The following PEMT variants were observed in gnomAD, a reference collection of about 807,000 sequenced individuals.
PEMT encodes phospholipid methyltransferase.
PEMT carries 23 observed loss-of-function variants against 27.4 expected under a neutral mutation model. That is an observed-to-expected ratio of 0.84 (90% CI 0.60 to 1.19). PEMT has a LOEUF of 1.19. PEMT is among the 50% of genes most tolerant of loss of function. The pLI, the probability that PEMT is intolerant of heterozygous loss-of-function variation, is 0.00. For synonymous variants in PEMT, 137 were observed against 139.1 expected, an observed-to-expected ratio of 0.98 and a Z score of 0.11; for missense variants, 307 against 310.1, an observed-to-expected ratio of 0.99 and a Z score of 0.07.
At chr17:17,554,262 G>A (rs1227240382) in intron 2 of PEMT, among the ~76,000 whole-genome samples, 1 of 152,250 alleles carries the variant, frequency 6.6e-6, no homozygotes, top group African/African-American at 2.4e-5. Context: ...GGCAGTGGGA[G>A]GCTGGCCTCT....
chr17:17,590,937 C>G (rs1912553159), intron 1 of PEMT, among the ~76,000 whole-genome samples: 2 of 152,272 alleles, frequency 1.3e-5, no homozygotes, highest in South Asian at 4.1e-4. Flanking sequence ...CGGTCGCACC[C>G]ATTATGGCCC....
rs554822301 is a variant in PEMT, at chr17:17,564,741, G to A, written c.204+12179C>T. Among the ~76,000 whole-genome samples the A allele has an allele frequency of 1.6e-4, 24 of 152,222 alleles. 1 individual carries two copies. In the South Asian group the frequency reaches 3.7e-3, roughly 24 times the overall value. On this transcript the variant is annotated intron_variant, in intron 2 of 6. Coordinates refer to ENST00000255389, the MANE Select transcript of PEMT (RefSeq NM_148172.3). ...GGGACAGTGCCTAGCAGCTGCCAAC[G>A]CTGTCCTCACCAGAGGGGCTCACAC... is the stretch of plus-strand genomic sequence containing the variant.
At chr17:17,566,954 A>C (rs1353715859) in intron 2 of PEMT, among the ~76,000 whole-genome samples, 1 of 152,232 alleles carries the variant, frequency 6.6e-6, no homozygotes, top group African/African-American at 2.4e-5. Flanking sequence ...GGATCCCGAG[A>C]GATGTCTACA....
chr17:17,535,733 A>C (rs534639829), intron 2 of PEMT, among the ~76,000 whole-genome samples: 1 of 152,334 alleles, frequency 6.6e-6, no homozygotes, highest in East Asian at 1.9e-4. Flanking sequence ...CAGAAGACAG[A>C]TGAAACAAGA....
intron 3 of PEMT, among the ~76,000 whole-genome samples, chr17:17,521,926 CCT>C (rs986761089): frequency 6.6e-6 from 1 of 152,156 alleles, no homozygotes; most frequent in African/African-American, 2.4e-5. Flanking sequence ...AGGCCTGACC[CCT>C]GAGGGCTCCC....
intron 1 of PEMT, among the ~76,000 whole-genome samples, chr17:17,584,260 C>T (rs541790958): frequency 4.1e-4 from 63 of 152,230 alleles, no homozygotes; most frequent in African/African-American, 9.1e-4. Context: ...CCCGGGTTCA[C>T]GCCATTCTCC....
intron 2 of PEMT, among the ~76,000 whole-genome samples, chr17:17,539,579 T>C (rs1908737497): frequency 6.6e-6 from 1 of 152,212 alleles, no homozygotes; most frequent in African/African-American, 2.4e-5. Context: ...AGTCCGTGTG[T>C]CCCTGCCCCA....
intron 2 of PEMT, among the ~76,000 whole-genome samples, chr17:17,534,170 TA>T (rs369674384): frequency 2.6e-5 from 4 of 152,200 alleles, no homozygotes; most frequent in African/African-American, 9.7e-5. Context: ...TTACTTGTAA[TA>T]GTCAAAACCT....
At chr17:17,558,949 C>G (rs1910269954) in intron 2 of PEMT, among the ~76,000 whole-genome samples, 1 of 152,218 alleles carries the variant, frequency 6.6e-6, no homozygotes, top group Non-Finnish European at 1.5e-5. Flanking sequence ...TTTCCATCAG[C>G]AAGTCCTTCA....
At chr17:17,577,789 G>A (rs988302464) in intron 1 of PEMT, among the ~76,000 whole-genome samples, 6 of 151,968 alleles carry the variant, frequency 3.9e-5, no homozygotes, top group African/African-American at 9.7e-5. Context: ...AGGCCGAGGC[G>A]GGCGGATCAC....
intron 2 of PEMT, among the ~76,000 whole-genome samples, chr17:17,538,000 C>T (rs1035386436): frequency 6.6e-6 from 1 of 152,230 alleles, no homozygotes; most frequent in South Asian, 2.1e-4. Flanking sequence ...AGCTGGCAAA[C>T]GCCCTCCTCA....
At chr17:17,576,889 C>A in intron 2 of PEMT, 31 bp downstream of exon 2, 1 of 1,561,602 alleles carries the variant, frequency 6.4e-7, no homozygotes, top group Non-Finnish European at 8.8e-7. Context: ...TGAGATACTC[C>A]CGTCTGGACA....
chr17:17,525,491 C>T (rs555509613), intron 2 of PEMT, among the ~76,000 whole-genome samples: 3 of 152,346 alleles, frequency 2.0e-5, no homozygotes, highest in East Asian at 1.9e-4. Flanking sequence ...GGGTGCCGGA[C>T]GCAGTCGCCT....
chr17:17,509,363 G>A (rs1186727403), intron 5 of PEMT, 71 bp downstream of exon 5: 3 of 1,010,106 alleles, frequency 3.0e-6, no homozygotes, highest in African/African-American at 3.2e-5. Flanking sequence ...TGGCCCCCGC[G>A]TCCTGAGCTG....
intron 2 of PEMT, among the ~76,000 whole-genome samples, chr17:17,551,500 T>C (rs974079218): frequency 6.6e-6 from 1 of 152,104 alleles, no homozygotes; most frequent in Non-Finnish European, 1.5e-5. Flanking sequence ...CCCAGCCCAG[T>C]CCCTGATGAG....
intron 5 of PEMT, chr17:17,508,390 C>T: frequency 5.2e-6 from 1 of 193,258 alleles, no homozygotes; most frequent in South Asian, 7.7e-5. Context: ...TGGGTCCCAG[C>T]CAGACCCACA....
intron 2 of PEMT, among the ~76,000 whole-genome samples, chr17:17,535,485 G>A (rs1597901402): frequency 6.6e-6 from 1 of 151,654 alleles, no homozygotes; most frequent in African/African-American, 2.4e-5. Context: ...AGAATGGCTT[G>A]AACCCAGGAG....
In PEMT at chr17:17,512,632, G is replaced by A; in HGVS notation, c.343C>T (p.Gln115Ter). The change falls in exon 4 of 7, where the codon CAG becomes TAG. Residue 115 changes from glutamine (Q) to a stop codon, truncating the protein, a stop_gained. Transcript: ENST00000255389. LOFTEE classifies it high-confidence loss of function. This position sits in a 1 kb window ranked among gnomAD's most constrained non-coding sequence, Gnocchi z 6.3. ...SHCFTQAMLS[Q>*]PRMESLDTPA... is the part of the protein sequence containing the mutation. ...GTGTCCAGGCTCTCCATCCTGGGCT[G>A]GCTCAGCATGGCCTGCGTGAAGCTG... is the stretch of plus-strand genomic sequence containing the variant. The A allele has an allele frequency of 2.6e-6, 4 of 1,565,876 alleles. No individual in the cohort carries two copies. Among genetic ancestry groups the A allele is most frequent in the Non-Finnish European group, 3.5e-6 (4 of 1,152,640 alleles).
At chr17:17,514,504 G>A (rs1404091936) in intron 3 of PEMT, among the ~76,000 whole-genome samples, 2 of 152,200 alleles carry the variant, frequency 1.3e-5, no homozygotes, top group African/African-American at 2.4e-5. Context: ...CGGGCACACC[G>A]ACCTGTTAAA....
Sources: allele counts gnomAD v4.1 joint callset (sites outside exome capture counted in the v4.1 genomes callset), GRCh38; gene constraint gnomAD v4.1.1; non-coding constraint Gnocchi (gnomAD v3.1); transcripts MANE v1.5; gene names NCBI Gene and HGNC (gene_info 2026-07-23, HGNC 2026-07-21).